Variants in RASSF3 observed in about 807,000 individuals in gnomAD.
RASSF3 encodes the protein Ras association domain family member 3.
In RASSF3, 19 loss-of-function variants were observed where a neutral mutation model predicts 19.9. The ratio of observed to expected loss-of-function variants is 0.96; its 90% CI spans 0.67 to 1.40. The LOEUF (loss-of-function observed/expected upper bound fraction) is 1.40. Among genes scored for constraint, RASSF3 ranks in the 40% most tolerant of loss-of-function variants. RASSF3 has a pLI of 0.00. For missense variants in RASSF3, 306 were observed against 289.8 expected, an observed-to-expected ratio of 1.06 and a Z score of -0.41; for synonymous variants, 110 against 104.2, an observed-to-expected ratio of 1.06 and a Z score of -0.34.
At chr12:64,525,376 T>G (rs577262106) in intron 1 of RASSF3, among the ~76,000 whole-genome samples, 1 of 152,354 alleles carries the variant, frequency 6.6e-6, no homozygotes, top group Non-Finnish European at 1.5e-5. Context: ...AAATCTGGTT[T>G]CAAGATTGTG....
chr12:64,557,163 A>G (rs1001487878), intron 2 of RASSF3, among the ~76,000 whole-genome samples: 1 of 151,414 alleles, frequency 6.6e-6, no homozygotes, highest in Non-Finnish European at 1.5e-5. Context: ...AATTCCCTTA[A>G]CCTTAGGCTC....
intron 1 of RASSF3, among the ~76,000 whole-genome samples, chr12:64,515,110 G>C (rs979145497): frequency 6.6e-6 from 1 of 151,566 alleles, no homozygotes; most frequent in Non-Finnish European, 1.5e-5. Flanking sequence ...AGGATGGAGT[G>C]CAATGCTGCA....
chr12:64,549,678 G>A (rs372017586), intron 2 of RASSF3, among the ~76,000 whole-genome samples: 2 of 152,156 alleles, frequency 1.3e-5, no homozygotes, highest in African/African-American at 4.8e-5. Context: ...TTGACATGGC[G>A]GCCAGCAGCC....
At chr12:64,613,347 A>C in intron 1 of RASSF3, among the ~76,000 whole-genome samples, 1 of 145,574 alleles carries the variant, frequency 6.9e-6, no homozygotes, top group Admixed American at 6.9e-5. Context: ...AGATACAGTG[A>C]TTTTTTTTTT....
intron 2 of RASSF3, among the ~76,000 whole-genome samples, chr12:64,548,899 G>C (rs1244315466): frequency 6.6e-6 from 1 of 152,192 alleles, no homozygotes; most frequent in Non-Finnish European, 1.5e-5. Flanking sequence ...GTGAAGTTAA[G>C]ACTCAGAGGT....
chr12:64,614,431 G>C (rs1870483942), intron 1 of RASSF3, among the ~76,000 whole-genome samples: 1 of 151,616 alleles, frequency 6.6e-6, no homozygotes. Flanking sequence ...CCTGGCCCCT[G>C]ATCTTTACCA....
chr12:64,507,085 T>A (rs540991156), exon 1 of RASSF3: 40 of 397,812 alleles, frequency 1.0e-4, no homozygotes, highest in African/African-American at 7.2e-4. Context: ...GGCTAACAGG[T>A]GGTCCCCAGA....
chr12:64,533,064 A>T (rs949517220), upstream of RASSF3, among the ~76,000 whole-genome samples: 5 of 152,184 alleles, frequency 3.3e-5, no homozygotes, highest in African/African-American at 1.2e-4. Context: ...ACAGGTGTGA[A>T]CACTTGACGG....
At chr12:64,641,982 T>C (rs1012959179) in intron 1 of RASSF3, among the ~76,000 whole-genome samples, 6 of 152,002 alleles carry the variant, frequency 3.9e-5, no homozygotes, top group Non-Finnish European at 8.8e-5. Flanking sequence ...CCTCAGGTGA[T>C]CCGCCTATCT....
intron 2 of RASSF3, among the ~76,000 whole-genome samples, chr12:64,552,708 G>T (rs1047205662): frequency 6.6e-6 from 1 of 152,104 alleles, no homozygotes; most frequent in Non-Finnish European, 1.5e-5. Context: ...ACATGATCTC[G>T]TTCCTTTATA....
intron 1 of RASSF3, among the ~76,000 whole-genome samples, chr12:64,519,598 G>A (rs910393562): frequency 3.9e-5 from 6 of 151,946 alleles, no homozygotes; most frequent in African/African-American, 1.5e-4. Context: ...TTTATTGTAT[G>A]TAAACTCTAC....
chr12:64,586,105 A>G (rs972686784), intron 2 of RASSF3, among the ~76,000 whole-genome samples: 75 of 152,176 alleles, frequency 4.9e-4, no homozygotes, highest in African/African-American at 1.7e-3. Context: ...TGGGTGGATC[A>G]CCTGAAGTCA....
At position 64,510,502 on chromosome 12, in the gene RASSF3, G is replaced by A. The variant is rs553674316; in HGVS notation, c.169+3173G>A. ...AAGTTTCCCTAAGTACCTTCATCCC[G>A]ATCAACCCACTTGAAAACATAAATG... On this transcript the variant is annotated intron_variant, in intron 1 of 5. Transcript: ENST00000637125. 3.9e-5 allele frequency among the ~76,000 whole-genome samples: 6 copies of A among 152,186 alleles called. No homozygotes were observed. The South Asian group carries it at 6.2e-4, about 16-fold the overall frequency.
intron 1 of RASSF3, among the ~76,000 whole-genome samples, chr12:64,538,991 A>T (rs1291443767): frequency 1.3e-5 from 2 of 152,218 alleles, no homozygotes; most frequent in Non-Finnish European, 2.9e-5. Flanking sequence ...GGTTGCAGTG[A>T]GCCGACATCA....
At chr12:64,647,638 C>G (rs537866961) in intron 1 of RASSF3, among the ~76,000 whole-genome samples, 2 of 152,206 alleles carry the variant, frequency 1.3e-5, no homozygotes, top group African/African-American at 4.8e-5. Context: ...GTCTCGAATT[C>G]CTGACCTCAT....
intron 2 of RASSF3, among the ~76,000 whole-genome samples, chr12:64,576,735 C>T (rs540385776): frequency 1.7e-4 from 26 of 151,440 alleles, no homozygotes; most frequent in African/African-American, 6.3e-4. Context: ...CCTGTAGGCC[C>T]AGCTACCCAG....
intron 1 of RASSF3, among the ~76,000 whole-genome samples, chr12:64,646,761 CT>C (rs943043899): frequency 1.6e-5 from 2 of 124,510 alleles, no homozygotes; most frequent in African/African-American, 6.0e-5. Context: ...TTTTTTTTTT[CT>C]GTTGAAATAG....
At chr12:64,554,357 T>G (rs1281442587) in intron 2 of RASSF3, among the ~76,000 whole-genome samples, 1 of 152,180 alleles carries the variant, frequency 6.6e-6, no homozygotes, top group Admixed American at 6.5e-5. Context: ...CAGGCTGGAG[T>G]GCAGTGGCGC....
At chr12:64,650,597 A>G (rs1871916013) in intron 1 of RASSF3, among the ~76,000 whole-genome samples, 1 of 151,402 alleles carries the variant, frequency 6.6e-6, no homozygotes, top group Admixed American at 6.6e-5. Flanking sequence ...TTGTATTTTT[A>G]GTAGAGACGG....
Sources: gnomAD v4.1 joint callset for allele counts (sites outside exome capture counted in the v4.1 genomes callset) on GRCh38, gnomAD v4.1.1 for gene constraint, MANE v1.5 for transcripts, NCBI Gene and HGNC (gene_info 2026-07-23, HGNC 2026-07-21) for gene names.